The following RNF220 variants were observed in gnomAD, a reference collection of about 807,000 sequenced individuals.
The protein encoded by RNF220 is ring finger protein 220.
RNF220 carries 7 observed loss-of-function variants against 67.1 expected under a neutral mutation model. The ratio of observed to expected loss-of-function variants is 0.10; its 90% CI spans 0.06 to 0.20. RNF220 has a LOEUF of 0.20. RNF220 is among the 10% of genes least tolerant of loss of function. The pLI is 1.00. For synonymous variants in RNF220, 270 were observed against 283.2 expected, an observed-to-expected ratio of 0.95 and a Z score of 0.47; for missense variants, 565 against 740.3, an observed-to-expected ratio of 0.76 and a Z score of 2.75.
At chr1:44,528,914 AG>A (rs1287146114) in intron 2 of RNF220, among the ~76,000 whole-genome samples, 3 of 152,320 alleles carry the variant, frequency 2.0e-5, no homozygotes, top group Middle Eastern at 6.8e-3. Context: ...ACGTTTGGCC[AG>A]AATTGGCAAC....
Position 44,635,884 on chromosome 1 carries a change from T to C in RNF220, c.994-146T>C, listed in dbSNP as rs537549232. The C allele has an allele frequency of 2.1e-6, 3 of 1,420,158 alleles. No individual in the cohort carries two copies. The South Asian group carries it at 4.0e-5, about 19-fold the overall frequency. 88.0% of individuals were successfully genotyped at this position (1,420,158 alleles called of 1,614,324 possible). A position where few individuals can be genotyped will look rare whatever the true frequency, so the allele number is the denominator to read the frequency against. On this transcript the variant is annotated intron_variant, in intron 7 of 14. Transcript: ENST00000361799. Reference sequence around the variant, plus strand: ...GGAAGAGGCCCAGGTCTTTGACCTCTAAATTGGTTTGCTTCAAAGGAGCCC... The same window carrying C: ...GGAAGAGGCCCAGGTCTTTGACCTCCAAATTGGTTTGCTTCAAAGGAGCCC...
intron 2 of RNF220, among the ~76,000 whole-genome samples, chr1:44,503,331 C>T (rs1318369773): frequency 2.2e-5 from 1 of 45,058 alleles, no homozygotes; most frequent in Non-Finnish European, 4.4e-5. Flanking sequence ...CAGATGCTGT[C>T]TCAAAAAAAA....
intron 7 of RNF220, 189 bp downstream of exon 7, chr1:44,635,777 C>A: frequency 1.5e-6 from 2 of 1,374,672 alleles, no homozygotes; most frequent in Non-Finnish European, 1.9e-6. Context: ...GTCTCAGCAG[C>A]TTCTTCCCTT....
chr1:44,502,009 G>C (rs1657939580), intron 2 of RNF220, among the ~76,000 whole-genome samples: 1 of 146,526 alleles, frequency 6.8e-6, no homozygotes, highest in Admixed American at 6.9e-5. Context: ...TCCAAGTTGG[G>C]GAGTGGGCAC....
intron 2 of RNF220, among the ~76,000 whole-genome samples, chr1:44,471,090 C>CA (rs922747579): frequency 1.9e-4 from 29 of 150,520 alleles, no homozygotes; most frequent in African/African-American, 3.9e-4. Context: ...GACCCTATCT[C>CA]AAAAAAAAAG....
At chr1:44,413,806 C>A (rs1028882714) in intron 2 of RNF220, among the ~76,000 whole-genome samples, 1 of 152,156 alleles carries the variant, frequency 6.6e-6, no homozygotes, top group African/African-American at 2.4e-5. Context: ...TTTTTTCCCT[C>A]CTCTTTATGA....
At chr1:44,480,482 A>G (rs917675656) in intron 2 of RNF220, among the ~76,000 whole-genome samples, 1 of 152,208 alleles carries the variant, frequency 6.6e-6, no homozygotes, top group African/African-American at 2.4e-5. Flanking sequence ...AGAAAATAAA[A>G]GGGCACAGAC....
At chr1:44,436,624 G>A (rs1651002332) in intron 2 of RNF220, among the ~76,000 whole-genome samples, 1 of 152,070 alleles carries the variant, frequency 6.6e-6, no homozygotes. Flanking sequence ...TGATTTTCTG[G>A]TTCACATCAA....
rs888390587 is a variant in RNF220 at position 44,621,786 on chromosome 1, T to G, written c.759-956T>G. Among the ~76,000 whole-genome samples, 1 of 152,238 alleles carries G rather than the reference T, an allele frequency of 6.6e-6. No homozygotes were observed. The highest frequency in any genetic ancestry group is 1.5e-5 in the Non-Finnish European group (1 of 68,046). ...TGTTCTTCTGCTTTCCGGGTATATC[T>G]GCAGGTGTGCTGTACGTTATACCTC... is the stretch of plus-strand genomic sequence containing the variant. On this transcript the variant is annotated intron_variant, in intron 3 of 14. Coordinates refer to ENST00000361799, the MANE Select transcript of RNF220 (RefSeq NM_018150.4). This position sits in a 1 kb window ranked among gnomAD's most constrained non-coding sequence, Gnocchi z 4.8.
At chr1:44,438,656 G>A (rs1651230093) in intron 2 of RNF220, among the ~76,000 whole-genome samples, 1 of 152,188 alleles carries the variant, frequency 6.6e-6, no homozygotes, top group African/African-American at 2.4e-5. Flanking sequence ...TAGGTGGCCT[G>A]TGACCCATTT....
chr1:44,586,468 G>A (rs532581248), intron 2 of RNF220, among the ~76,000 whole-genome samples: 27 of 152,302 alleles, frequency 1.8e-4, no homozygotes, highest in Admixed American at 1.6e-3. Context: ...CTGAGGAAGA[G>A]CCCCAGATGC....
At chr1:44,456,896 A>C (rs1653240703) in intron 2 of RNF220, among the ~76,000 whole-genome samples, 1 of 151,898 alleles carries the variant, frequency 6.6e-6, no homozygotes. Context: ...GACTTCTTTC[A>C]GTTTCTCCAT....
intron 2 of RNF220, among the ~76,000 whole-genome samples, chr1:44,512,768 G>A (rs939187360): frequency 2.6e-5 from 4 of 152,180 alleles, no homozygotes; most frequent in Admixed American, 2.6e-4. Context: ...TGTGATAACC[G>A]TCTGCAGATT....
At position 44,412,634 on chromosome 1, in the gene RNF220, T is replaced by C; in HGVS notation, c.537T>C (p.Val179=). ...LPSSSPGSLK[V]DDTGKKIFAV... The stretch of plus-strand genomic sequence containing the variant: ...CTAGCTCCCCCGGTTCACTAAAGGT[T>C]GATGACACTGGGAAGAAGATTTTTG... Residue 179 remains valine, a synonymous_variant, in exon 2 of 15, where the codon GTT becomes GTC. Coordinates refer to ENST00000361799, the MANE Select transcript of RNF220 (RefSeq NM_018150.4). The surrounding 1 kb of genome is among the most constrained non-coding windows in gnomAD (Gnocchi z 5.3). 6.2e-7 allele frequency: 1 copy of C among 1,614,202 alleles called. No individual in the cohort carries two copies. Among genetic ancestry groups the C allele is most frequent in the Non-Finnish European group, 8.5e-7 (1 of 1,180,042 alleles).
intron 2 of RNF220, among the ~76,000 whole-genome samples, chr1:44,547,696 G>A (rs1225137986): frequency 1.3e-5 from 2 of 151,750 alleles, no homozygotes; most frequent in Admixed American, 6.6e-5. Context: ...ATCTGACCTC[G>A]TGCTGCTCTG....
intron 2 of RNF220, among the ~76,000 whole-genome samples, chr1:44,528,286 G>C (rs1660552836): frequency 6.6e-6 from 1 of 151,316 alleles, no homozygotes; most frequent in African/African-American, 2.4e-5. Context: ...GTGATATTTT[G>C]CCGATACAAA....
At chr1:44,520,124 T>TGA (rs1408246901) in intron 2 of RNF220, among the ~76,000 whole-genome samples, 4 of 142,826 alleles carry the variant, frequency 2.8e-5, no homozygotes, top group African/African-American at 8.0e-5. Context: ...TGTGTGTGTG[T>TGA]GTGTGAGAGA....
intron 2 of RNF220, among the ~76,000 whole-genome samples, chr1:44,605,156 G>A (rs182811994): frequency 8.3e-4 from 127 of 152,134 alleles, no homozygotes; most frequent in African/African-American, 2.8e-3. Flanking sequence ...AAAATTACCC[G>A]AGTGTGGTGG....
intron 2 of RNF220, among the ~76,000 whole-genome samples, chr1:44,525,167 T>C (rs1660268029): frequency 6.6e-6 from 1 of 152,210 alleles, no homozygotes; most frequent in Non-Finnish European, 1.5e-5. Context: ...TACTGTGGCC[T>C]ATTTATCTCT....
Sources: gnomAD v4.1 joint callset for allele counts (sites outside exome capture counted in the v4.1 genomes callset) on GRCh38, gnomAD v4.1.1 for gene constraint, Gnocchi (gnomAD v3.1) non-coding constraint, MANE v1.5 for transcripts, NCBI Gene and HGNC (gene_info 2026-07-23, HGNC 2026-07-21) for gene names.